LRP1B: variants seen among roughly 807,000 people sequenced by gnomAD.
The protein encoded by LRP1B is low-density lipoprotein receptor-related protein 1B.
LRP1B carries 217 observed loss-of-function variants against 556.6 expected under a neutral mutation model. The observed-to-expected ratio is 0.39, with a 90% CI of 0.35 to 0.44. The LOEUF is 0.44. Among genes scored for constraint, LRP1B ranks in the 20% least tolerant of loss-of-function variants. The probability of loss-of-function intolerance (pLI) is 1.00; values close to 1 mark genes in which losing one functional copy is unlikely to be tolerated. For missense variants in LRP1B, 5,053 were observed against 5,620.8 expected, an observed-to-expected ratio of 0.90 and a Z score of 3.23; for synonymous variants, 2,047 against 1,865.8, an observed-to-expected ratio of 1.10 and a Z score of -2.50.
Position 140,702,573 on chromosome 2 carries a change from T to C in LRP1B, c.6024-20A>G. 6.2e-7 allele frequency: 1 copy of C among 1,611,102 alleles called. No homozygotes were observed. Among genetic ancestry groups the C allele is most frequent in the Non-Finnish European group, 8.5e-7 (1 of 1,177,868 alleles). On this transcript the variant is annotated intron_variant, in intron 37 of 90. Transcript: ENST00000389484. ...AAGAGGCTGAAATTAAATTGTTAATTTGTAGTGTTTATGTACATTTATTTG... is the reference window on the plus strand; with the variant it reads ...AAGAGGCTGAAATTAAATTGTTAATCTGTAGTGTTTATGTACATTTATTTG...
At chr2:140,716,433 G>C (rs772944942) in intron 36 of LRP1B, among the ~76,000 whole-genome samples, 4 of 151,996 alleles carry the variant, frequency 2.6e-5, no homozygotes, top group Non-Finnish European at 5.9e-5. Context: ...TTGTTTACCT[G>C]CCTTCTGGAG....
At chr2:140,427,196 C>T (rs531379040) in intron 66 of LRP1B, among the ~76,000 whole-genome samples, 145 of 152,278 alleles carry the variant, frequency 9.5e-4, no homozygotes, top group Admixed American at 2.4e-3. Flanking sequence ...TGATTATTCA[C>T]CCATGTTCCA....
intron 2 of LRP1B, among the ~76,000 whole-genome samples, chr2:141,529,648 A>G (rs1365131721): frequency 6.6e-6 from 1 of 152,068 alleles, no homozygotes; most frequent in East Asian, 1.9e-4. Flanking sequence ...TAAATTTTCT[A>G]TTTACATTCT....
chr2:141,655,170 A>G (rs550756799), intron 2 of LRP1B, among the ~76,000 whole-genome samples: 51 of 152,196 alleles, frequency 3.4e-4, no homozygotes, highest in African/African-American at 1.2e-3. Flanking sequence ...TTATTTAGGA[A>G]CTTCAATACA....
intron 55 of LRP1B, among the ~76,000 whole-genome samples, chr2:140,496,458 G>A (rs1042908585): frequency 1.3e-5 from 2 of 152,028 alleles, no homozygotes; most frequent in East Asian, 3.9e-4. Context: ...CGAATAAACA[G>A]TAATATTAAT....
chr2:141,834,110 G>T (rs149523824), intron 1 of LRP1B, among the ~76,000 whole-genome samples: 4 of 151,884 alleles, frequency 2.6e-5, no homozygotes, highest in Non-Finnish European at 5.9e-5. Flanking sequence ...ACTGAGGATG[G>T]ACACTGATGG....
intron 7 of LRP1B, among the ~76,000 whole-genome samples, chr2:141,139,111 C>CTGGACTTTAAAGACCCA (rs1701565651): frequency 6.6e-6 from 1 of 151,690 alleles, no homozygotes; most frequent in African/African-American, 2.4e-5. Context: ...ATAGTTTTTT[C>CTGGACTTTAAAGACCCA]AACAAATGGT....
chr2:141,709,365 TAAATAAAATA>T (rs70994445), intron 2 of LRP1B, among the ~76,000 whole-genome samples: 73 of 148,064 alleles, frequency 4.9e-4, no homozygotes, highest in East Asian at 3.2e-3. Flanking sequence ...TAAAAGAAAA[TAAATAAAATA>T]AAATAAAATA....
At chr2:140,942,173 C>G (rs1695419957) in intron 20 of LRP1B, among the ~76,000 whole-genome samples, 1 of 151,952 alleles carries the variant, frequency 6.6e-6, no homozygotes, top group African/African-American at 2.4e-5. Flanking sequence ...ACAGACTAGA[C>G]CAAGAAGAGG....
chr2:141,062,026 C>A (rs778277929), intron 8 of LRP1B, 25 bp downstream of exon 8: 2 of 1,576,228 alleles, frequency 1.3e-6, no homozygotes, highest in Non-Finnish European at 1.7e-6. Context: ...ACCCTAGGAG[C>A]GTTGTCTAAC....
chr2:141,275,708 T>C (rs1685260570), intron 3 of LRP1B, among the ~76,000 whole-genome samples: 1 of 152,048 alleles, frequency 6.6e-6, no homozygotes, highest in East Asian at 1.9e-4. Flanking sequence ...GTGAGACCCT[T>C]TTTCAAAAAA....
chr2:140,475,655 T>TC, intron 59 of LRP1B, among the ~76,000 whole-genome samples: 1 of 151,688 alleles, frequency 6.6e-6, no homozygotes, highest in East Asian at 1.9e-4. Flanking sequence ...TTTCAAAAGA[T>TC]ACCTATCAAT....
At chr2:140,951,988 G>T (rs1169163937) in intron 18 of LRP1B, 48 bp from the exon 19 acceptor site, 4 of 1,299,792 alleles carry the variant, frequency 3.1e-6, no homozygotes, top group East Asian at 2.3e-5. Context: ...TATTGACTGT[G>T]CATGACATAA....
intron 1 of LRP1B, among the ~76,000 whole-genome samples, chr2:141,816,178 A>G (rs1035121919): frequency 6.6e-6 from 1 of 152,182 alleles, no homozygotes; most frequent in Middle Eastern, 3.2e-3. Flanking sequence ...ATGCAAACCA[A>G]CTGTGATGGC....
At chr2:141,189,472 C>G (rs1355421057) in intron 6 of LRP1B, among the ~76,000 whole-genome samples, 1 of 151,960 alleles carries the variant, frequency 6.6e-6, no homozygotes, top group Non-Finnish European at 1.5e-5. Context: ...TCTTAGTAAA[C>G]AAGTTAGGAA....
intron 3 of LRP1B, among the ~76,000 whole-genome samples, chr2:141,408,265 C>G (rs1424525112): frequency 6.6e-6 from 1 of 151,682 alleles, no homozygotes; most frequent in Non-Finnish European, 1.5e-5. Context: ...GCCTCAGCCT[C>G]CCAAGTAGCT....
chr2:142,028,816 C>T (rs1339088392), intron 1 of LRP1B, among the ~76,000 whole-genome samples: 2 of 151,900 alleles, frequency 1.3e-5, no homozygotes, highest in African/African-American at 4.8e-5. Context: ...CATGCTCTCA[C>T]AAACACTTGA....
intron 43 of LRP1B, among the ~76,000 whole-genome samples, chr2:140,597,726 A>G (rs1408232904): frequency 6.6e-6 from 1 of 152,140 alleles, no homozygotes; most frequent in Non-Finnish European, 1.5e-5. Flanking sequence ...ATAAAACTTT[A>G]TTTGAATACT....
At chr2:141,688,064 T>C (rs1376345315) in intron 2 of LRP1B, among the ~76,000 whole-genome samples, 1 of 151,244 alleles carries the variant, frequency 6.6e-6, no homozygotes, top group Non-Finnish European at 1.5e-5. Flanking sequence ...GGTTAGGCCA[T>C]CCAAAAGATA....
Sources: allele counts gnomAD v4.1 joint callset (sites outside exome capture counted in the v4.1 genomes callset), GRCh38; gene constraint gnomAD v4.1.1; transcripts MANE v1.5; gene names NCBI Gene and HGNC (gene_info 2026-07-23, HGNC 2026-07-21).